GRIN2A: variants seen among roughly 807,000 people sequenced by gnomAD.
GRIN2A encodes the protein glutamate receptor ionotropic, NMDA 2A.
A neutral mutation model predicts 113.4 loss-of-function variants in GRIN2A; 22 were observed. The ratio of observed to expected loss-of-function variants is 0.19; its 90% CI spans 0.14 to 0.28. GRIN2A has a LOEUF of 0.28. Ranked by LOEUF, GRIN2A falls within the 10% of genes least tolerant of loss-of-function variation. The pLI, the probability that GRIN2A is intolerant of heterozygous loss-of-function variation, is 1.00. For synonymous variants in GRIN2A, 827 were observed against 738.4 expected (o/e 1.12, Z -1.94); for missense variants, 1,502 against 1,887.0 (o/e 0.80, Z 3.78).
chr16:9,851,446 G>A lies in GRIN2A; in HGVS notation c.1123-1485C>T, dbSNP rs568624422. Reference sequence around the variant, plus strand: ...TATTGAAGACCTACGATGTCCCAGTGCCAGCCTAGGAATAATGATGGCTAA... The same window carrying A: ...TATTGAAGACCTACGATGTCCCAGTACCAGCCTAGGAATAATGATGGCTAA... On this transcript the variant is annotated intron_variant, in intron 4 of 12. Coordinates refer to ENST00000330684, the MANE Select transcript of GRIN2A (RefSeq NM_001134407.3). 3.3e-5 allele frequency among the ~76,000 whole-genome samples: 5 copies of A among 152,320 alleles called. No homozygotes were observed. In the East Asian group the frequency reaches 7.7e-4, roughly 24 times the overall value.
chr16:10,076,298 G>A (rs77407622), intron 2 of GRIN2A, among the ~76,000 whole-genome samples: 14,451 of 152,122 alleles, frequency 0.095, 762 homozygotes, highest in African/African-American at 0.11. Context: ...AGGATCCAGT[G>A]GGCCTTGACC....
At chr16:9,964,555 A>T (rs1396979927) in intron 2 of GRIN2A, among the ~76,000 whole-genome samples, 1 of 152,124 alleles carries the variant, frequency 6.6e-6, no homozygotes, top group Non-Finnish European at 1.5e-5. Flanking sequence ...TGTCAGCAGG[A>T]TTGCTTTCCT....
Position 9,768,910 on chromosome 16 carries a change from G to T in GRIN2A, c.2536C>A (p.Arg846Ser), listed in dbSNP as rs1285952756. Residue 846 changes from arginine to serine, a missense_variant, in exon 12 of 13, where the codon CGC becomes AGC. Physicochemically the swap from Arg to Ser is moderately radical, Grantham distance 110. This residue lies in a region of GRIN2A where 832 missense variants were observed against 789.7 expected (regional missense o/e 1.05). Transcript: ENST00000330684. ...IWEHLFYWKL[R>S]FCFTGVCSDR... ...GAGCACACGCCCGTGAAACAGAAGC[G>T]CAGCTTCCAGTAGAAGAGGTGCTCC... 1 of 1,614,200 alleles carries T rather than the reference G, an allele frequency of 6.2e-7. No homozygotes were observed.
intron 5 of GRIN2A, among the ~76,000 whole-genome samples, chr16:9,847,758 T>G (rs1266929583): frequency 1.3e-5 from 2 of 149,050 alleles, no homozygotes; most frequent in East Asian, 3.9e-4. Flanking sequence ...TTTTATACAT[T>G]TTTAACATAT....
Position 9,841,409 on chromosome 16 carries a change from C to T in GRIN2A, c.1329-305G>A, listed in dbSNP as rs1317495290. Reference sequence around the variant, plus strand: ...TTTTCTGAATTAGTTGATATTTGTACACCCATTAAACAGGTAAAAATTACC... The same window carrying T: ...TTTTCTGAATTAGTTGATATTTGTATACCCATTAAACAGGTAAAAATTACC... On this transcript the variant is annotated intron_variant, in intron 5 of 12. Transcript: ENST00000330684. Among the ~76,000 whole-genome samples the T allele has an allele frequency of 2.0e-5, 3 of 151,356 alleles. No homozygotes were observed. In the Middle Eastern group the frequency reaches 9.5e-3, roughly 479 times the overall value.
intron 2 of GRIN2A, among the ~76,000 whole-genome samples, chr16:10,079,419 T>C (rs753180559): frequency 6.6e-6 from 1 of 152,112 alleles, no homozygotes; most frequent in Non-Finnish European, 1.5e-5. Context: ...GCTAAGCCCA[T>C]GGGGTAGGCA....
In GRIN2A at chr16:9,813,521, C is replaced by CTTT. The variant is rs71380937; in HGVS notation, c.2168+8740_2168+8742dup. ...TTTCTTTTTAGTCTGTTTTTTTTGC[C>CTTT]TTTTTTTTTTTTCCGTCTCTGAGTT... is the stretch of plus-strand genomic sequence containing the variant. On this transcript the variant is annotated intron_variant, in intron 10 of 12. Transcript: ENST00000330684. 4.2e-5 allele frequency among the ~76,000 whole-genome samples: 6 copies of CTTT among 142,368 alleles called. No individual in the cohort carries two copies. The South Asian group carries it at 8.8e-4, about 21-fold the overall frequency. The allele number at this position is 142,368 out of a possible 152,430, so 93.4% of individuals were successfully genotyped here. A position where few individuals can be genotyped will look rare whatever the true frequency, so the allele number is the denominator to read the frequency against.
At chr16:10,168,811 C>A (rs1397237769) in intron 2 of GRIN2A, among the ~76,000 whole-genome samples, 2 of 151,934 alleles carry the variant, frequency 1.3e-5, no homozygotes, top group Non-Finnish European at 2.9e-5. Context: ...ACTAAAAATA[C>A]AAAGTTAGCT....
intron 5 of GRIN2A, among the ~76,000 whole-genome samples, chr16:9,841,786 C>A (rs2042684158): frequency 6.6e-6 from 1 of 152,180 alleles, no homozygotes; most frequent in African/African-American, 2.4e-5. Flanking sequence ...GGAGACACTT[C>A]TAAAAGCAAG....
chr16:9,845,675 C>T (rs2042759289), intron 5 of GRIN2A, among the ~76,000 whole-genome samples: 1 of 152,224 alleles, frequency 6.6e-6, no homozygotes, highest in Non-Finnish European at 1.5e-5. Flanking sequence ...GCCTTTGCAC[C>T]TGCCATTGCC....
chr16:10,151,423 C>T (rs1358380627), intron 2 of GRIN2A, among the ~76,000 whole-genome samples: 1 of 152,174 alleles, frequency 6.6e-6, no homozygotes, highest in Non-Finnish European at 1.5e-5. Flanking sequence ...GGCATTGAAG[C>T]ATGAAGCGAT....
chr16:9,769,108 T>G lies in GRIN2A; in HGVS notation c.2357-19A>C, dbSNP rs1332798541. The G allele has an allele frequency of 5.7e-6, 9 of 1,583,962 alleles. No individual in the cohort carries two copies. The highest frequency in any genetic ancestry group is 7.8e-6 in the Non-Finnish European group (9 of 1,152,632). On this transcript the variant is annotated intron_variant, in intron 11 of 12. Coordinates refer to ENST00000330684, the MANE Select transcript of GRIN2A (RefSeq NM_001134407.3). ...ATCTCACCTGGACAGATCACAACATTCACAGGCAGTGAGGACCAGAACATG... is the reference window on the plus strand; with the variant it reads ...ATCTCACCTGGACAGATCACAACATGCACAGGCAGTGAGGACCAGAACATG...
At chr16:9,799,436 C>A (rs1184666284) in intron 10 of GRIN2A, among the ~76,000 whole-genome samples, 2 of 152,270 alleles carry the variant, frequency 1.3e-5, no homozygotes, top group African/African-American at 4.8e-5. Flanking sequence ...CTGCAGATGC[C>A]CTGATCTTGG....
intron 11 of GRIN2A, among the ~76,000 whole-genome samples, chr16:9,770,863 C>T (rs1901232339): frequency 6.6e-6 from 1 of 152,152 alleles, no homozygotes; most frequent in South Asian, 2.1e-4. Flanking sequence ...CTACCTCTCC[C>T]CGCTCCCTTC....
chr16:10,074,926 T>C (rs560348788), intron 2 of GRIN2A, among the ~76,000 whole-genome samples: 1 of 152,356 alleles, frequency 6.6e-6, no homozygotes, highest in East Asian at 1.9e-4. Context: ...TATCACTTAT[T>C]GACCAATTTC....
intron 2 of GRIN2A, among the ~76,000 whole-genome samples, chr16:10,156,387 G>A (rs2049694646): frequency 2.0e-5 from 3 of 152,366 alleles, no homozygotes; most frequent in African/African-American, 7.2e-5. Context: ...TGCAACTAAT[G>A]AGGGAAGAGA....
rs768174483 is a variant in GRIN2A, at chr16:9,764,033, G to T, written c.3511C>A (p.Pro1171Thr). The change falls in exon 13 of 13, where the codon CCC becomes ACC. Residue 1171 changes from proline (P) to threonine (T), a missense_variant. Physicochemically the swap from Pro to Thr is conservative, Grantham distance 38. Around this residue, in one of 7 missense-constraint regions of GRIN2A, gnomAD observed 832 missense variants for 789.7 expected, o/e 1.05. Transcript: ENST00000330684. ...GAAAGCCCCTCTTCATTATGCAAGG[G>T]GTTCCGGTTCATTGGCAGCGTGGAG... Reference protein sequence around the residue: ...GDSTLPMNRNPLHNEEGLSNN... With the variant: ...GDSTLPMNRNTLHNEEGLSNN... 1 of 1,614,016 alleles carries T rather than the reference G, an allele frequency of 6.2e-7. No homozygotes were observed. The highest frequency in any genetic ancestry group is 1.1e-5 in the South Asian group (1 of 91,076).
Position 9,764,716 on chromosome 16 carries a change from T to C in GRIN2A, c.2828A>G (p.Tyr943Cys), listed in dbSNP as rs746041907. Residue 943 changes from tyrosine to cysteine, a missense_variant, in exon 13 of 13, where the codon TAC becomes TGC. Physicochemically the swap from Tyr to Cys is radical, Grantham distance 194. Transcript: ENST00000330684. ...DMVSDKGNLM[Y>C]SDNRSFQGKE... ...CCCCTGAAAGGACCTGTTGTCTGAG[T>C]ACATCAAATTCCCCTTATCTGAAAC... 1 of 1,614,236 alleles carries C rather than the reference T, an allele frequency of 6.2e-7. No individual in the cohort carries two copies. The highest frequency in any genetic ancestry group is 8.5e-7 in the Non-Finnish European group (1 of 1,180,038).
chr16:9,999,612 G>C, intron 2 of GRIN2A, among the ~76,000 whole-genome samples: 1 of 152,082 alleles, frequency 6.6e-6, no homozygotes, highest in Non-Finnish European at 1.5e-5. Flanking sequence ...CTAGGGGAGG[G>C]ATAGCATTAG....
Sources: allele counts gnomAD v4.1 joint callset (sites outside exome capture counted in the v4.1 genomes callset), GRCh38; gene constraint gnomAD v4.1.1; regional missense constraint gnomAD v4.1.1; transcripts MANE v1.5; gene names NCBI Gene and HGNC (gene_info 2026-07-23, HGNC 2026-07-21).